The following OPA1 variants were observed in gnomAD, a reference collection of about 807,000 sequenced individuals.
OPA1 encodes the protein dynamin-like GTPase OPA1, mitochondrial.
In OPA1, 59 loss-of-function variants were observed where a neutral mutation model predicts 152.9. The ratio of observed to expected loss-of-function variants is 0.39; its 90% confidence interval spans 0.31 to 0.48. The LOEUF is 0.48. Ranked by LOEUF, OPA1 falls within the 20% of genes least tolerant of loss-of-function variation. The probability of loss-of-function intolerance (pLI) is 0.96; values close to 1 mark genes in which losing one functional copy is unlikely to be tolerated. For synonymous variants in OPA1, 400 were observed against 389.9 expected (o/e 1.03, Z -0.31); for missense variants, 1,008 against 1,216.8 (o/e 0.83, Z 2.55).
intron 30 of OPA1, among the ~76,000 whole-genome samples, chr3:193,693,804 T>C (rs1721986305): frequency 6.6e-6 from 1 of 152,230 alleles, no homozygotes; most frequent in South Asian, 2.1e-4. Flanking sequence ...AGTGTTACAA[T>C]ATCACCCTAA....
Position 193,638,037 on chromosome 3 carries a change from G to T in OPA1, c.1121G>T (p.Gly374Val), listed in dbSNP as rs1203388364. 1 of 1,614,014 alleles carries T rather than the reference G, an allele frequency of 6.2e-7. No individual in the cohort carries two copies. The highest frequency in any genetic ancestry group is 8.5e-7 in the Non-Finnish European group (1 of 1,179,910). ...GCTCGAATATTCCCAAGAGGATCTG[G>T]GGAGATGATGACACGTTCTCCAGTT... ...AQARIFPRGS[G>V]EMMTRSPVKV... The change falls in exon 11 of 31, where the codon GGG becomes GTG. Residue 374 changes from glycine to valine, a missense_variant. Gly to Val is a moderately radical substitution (Grantham distance 109). Around this residue, in one of 7 missense-constraint regions of OPA1, gnomAD observed 213 missense variants for 291.4 expected, o/e 0.73. Transcript: ENST00000361510.
At chr3:193,668,416 C>G in intron 29 of OPA1, 1 of 1,551,240 alleles carries the variant, frequency 6.4e-7, no homozygotes, top group Middle Eastern at 1.7e-4. Flanking sequence ...TGGGCTCTGA[C>G]ATCCGTGCCA....
Position 193,682,085 on chromosome 3 carries a change from G to A in OPA1, c.2984-9978G>A, listed in dbSNP as rs542417337. ...TTGTGAATGCAAAAGAAAAGTTCTT[G>A]AAGGAAATTAAAAGTGTTATTCCAG... On this transcript the variant is annotated intron_variant, in intron 29 of 30. Transcript: ENST00000361510. Among the ~76,000 whole-genome samples the A allele has an allele frequency of 1.1e-4, 17 of 152,332 alleles. No homozygotes were observed. The South Asian group carries it at 3.5e-3, about 32-fold the overall frequency.
intron 1 of OPA1, among the ~76,000 whole-genome samples, chr3:193,604,981 T>A (rs1165018726): frequency 6.6e-6 from 1 of 152,146 alleles, no homozygotes; most frequent in Admixed American, 6.5e-5. Flanking sequence ...CACTCCTTAA[T>A]AGGAGAGCAT....
intron 21 of OPA1, among the ~76,000 whole-genome samples, chr3:193,649,823 T>C (rs1226106034): frequency 6.6e-6 from 1 of 152,204 alleles, no homozygotes; most frequent in Non-Finnish European, 1.5e-5. Context: ...TTGTATCTAT[T>C]CTTGTTGATT....
rs74747949 is a variant in OPA1, at chr3:193,649,167, T to C, written c.2012+296T>C. Among the ~76,000 whole-genome samples, 371 of 152,264 alleles carry C rather than the reference T, an allele frequency of 2.4e-3. 3 individuals are homozygous for C. Among genetic ancestry groups the C allele is most frequent in the Non-Finnish European group, 3.9e-3 (264 of 67,980 alleles). The stretch of plus-strand genomic sequence containing the variant: ...GCAGAAGTTTTGTCAAATTATACTT[T>C]AGGTAAATATCAACCTGTCAAAATT... On this transcript the variant is annotated intron_variant, in intron 21 of 30. Coordinates refer to ENST00000361510, the MANE Select transcript of OPA1 (RefSeq NM_130837.3).
At chr3:193,655,110 A>C (rs1577288055) in intron 22 of OPA1, 83 bp downstream of exon 22, 33 of 1,252,712 alleles carry the variant, frequency 2.6e-5, no homozygotes, top group African/African-American at 3.0e-5. Flanking sequence ...TATTCCCATC[A>C]CAGCCTCTAT....
At chr3:193,609,831 G>A (rs890280981) in intron 1 of OPA1, among the ~76,000 whole-genome samples, 2 of 152,028 alleles carry the variant, frequency 1.3e-5, no homozygotes, top group African/African-American at 4.8e-5. Flanking sequence ...TGATCGAATC[G>A]GCTACTGAGG....
intron 10 of OPA1, among the ~76,000 whole-genome samples, chr3:193,637,629 A>C: frequency 6.6e-6 from 1 of 152,192 alleles, no homozygotes; most frequent in Non-Finnish European, 1.5e-5. Flanking sequence ...AATAGAATTG[A>C]AAATGTGTTT....
chr3:193,604,042 TAG>T (rs1158163061), intron 1 of OPA1, among the ~76,000 whole-genome samples: 3 of 152,228 alleles, frequency 2.0e-5, no homozygotes, highest in Admixed American at 1.3e-4. Flanking sequence ...TGGAATTTAA[TAG>T]ACTTTCCACA....
chr3:193,648,546 G>A, intron 20 of OPA1: 1 of 444,258 alleles, frequency 2.3e-6, no homozygotes, highest in South Asian at 2.4e-5. Flanking sequence ...TTCACATAAC[G>A]TGAACAAGTG....
intron 29 of OPA1, chr3:193,667,554 C>T (rs1716887249): frequency 7.7e-6 from 3 of 388,898 alleles, no homozygotes; most frequent in South Asian, 6.2e-5. Context: ...GCCTATAGTC[C>T]CAGCTACTTG....
At chr3:193,615,869 C>A in intron 3 of OPA1, 99 bp downstream of exon 3, 2 of 782,906 alleles carry the variant, frequency 2.6e-6, no homozygotes, top group Non-Finnish European at 2.3e-6. Context: ...TAATATATCA[C>A]GGTTTTATTT....
At chr3:193,635,783 T>C (rs777556238) in intron 9 of OPA1, among the ~76,000 whole-genome samples, 4 of 152,218 alleles carry the variant, frequency 2.6e-5, no homozygotes, top group Non-Finnish European at 5.9e-5. Flanking sequence ...TTCTGAAATA[T>C]CTAGTTTATC....
At chr3:193,638,315 TA>T (rs1263262922) in intron 11 of OPA1, among the ~76,000 whole-genome samples, 1 of 152,094 alleles carries the variant, frequency 6.6e-6, no homozygotes, top group Non-Finnish European at 1.5e-5. Context: ...TTATTCTGAA[TA>T]AGATAAGAGA....
At chr3:193,622,386 G>A (rs971018887) in intron 6 of OPA1, among the ~76,000 whole-genome samples, 4 of 151,616 alleles carry the variant, frequency 2.6e-5, no homozygotes. Flanking sequence ...CTGCCACCAC[G>A]CCTAGCTAAT....
intron 29 of OPA1, among the ~76,000 whole-genome samples, chr3:193,690,309 C>T (rs999217621): frequency 1.2e-5 from 1 of 81,958 alleles, no homozygotes; most frequent in Non-Finnish European, 2.2e-5. Context: ...GGACTCCCCC[C>T]CCACCCCACC....
In OPA1 at chr3:193,666,378, C is replaced by G; in HGVS notation, c.2861C>G (p.Thr954Arg). 1 of 1,613,404 alleles carries G rather than the reference C, an allele frequency of 6.2e-7. No individual in the cohort carries two copies. Among genetic ancestry groups the G allele is most frequent in the Non-Finnish European group, 8.5e-7 (1 of 1,179,360 alleles). Residue 954 changes from threonine to arginine, a missense_variant, in exon 28 of 31, where the codon ACA becomes AGA. Physicochemically the swap from Thr to Arg is moderately conservative, Grantham distance 71. Around this residue, in one of 7 missense-constraint regions of OPA1, gnomAD observed 137 missense variants for 171.0 expected, o/e 0.80. Transcript: ENST00000361510. ...ITANTLRQQL[T>R]NTEVRRLEKN... The stretch of plus-strand genomic sequence containing the variant: ...GCAAATACTTTAAGGCAACAACTTA[C>G]AAATACTGAAGGTAAGCCACATAGG...
rs200289893 is a variant in OPA1 at position 193,610,844 on chromosome 3, GAT to G, written c.33-3875_33-3874del. On this transcript the variant is annotated intron_variant, in intron 1 of 30. Coordinates refer to ENST00000361510, the MANE Select transcript of OPA1 (RefSeq NM_130837.3). Reference sequence around the variant, plus strand: ...ATAGGACCCGCTGAGCCAGGCGCGGGATATAGTCTCCTGGTGTGCTGTTTGCT... The same window carrying G: ...ATAGGACCCGCTGAGCCAGGCGCGGGATAGTCTCCTGGTGTGCTGTTTGCT... Among the ~76,000 whole-genome samples, 21 of 152,384 alleles carry G rather than the reference GAT, an allele frequency of 1.4e-4. No individual in the cohort carries two copies. In the East Asian group the frequency reaches 3.1e-3, roughly 22 times the overall value.
Sources: gnomAD v4.1 joint callset for allele counts (sites outside exome capture counted in the v4.1 genomes callset) on GRCh38, gnomAD v4.1.1 for gene constraint, gnomAD v4.1.1 regional missense constraint, MANE v1.5 for transcripts, NCBI Gene and HGNC (gene_info 2026-07-23, HGNC 2026-07-21) for gene names.